NR2F1-AS1: variants seen among roughly 807,000 people sequenced by gnomAD.
NR2F1-AS1 encodes NR2F1 antisense RNA 1.
In NR2F1-AS1 at chr5:93,526,331, T is replaced by C. The variant is rs374709958; in HGVS notation, n.638+27430A>G. Among the ~76,000 whole-genome samples, 17 of 152,128 alleles carry C rather than the reference T, an allele frequency of 1.1e-4. No homozygotes were observed. The East Asian group carries it at 2.3e-3, about 21-fold the overall frequency. On this transcript the variant is annotated intron_variant and non_coding_transcript_variant, in intron 4 of 5. Transcript: ENST00000660523. ...ATATTTGAATAGAACAATAACAAGT[T>C]CTGAAATTGAGGCAGTAATTAACGG...
At chr5:93,531,266 T>G (rs1751730268) in intron 4 of NR2F1-AS1, among the ~76,000 whole-genome samples, 1 of 151,908 alleles carries the variant, frequency 6.6e-6, no homozygotes, top group Non-Finnish European at 1.5e-5. Flanking sequence ...AAAGACAAGA[T>G]CACCTATGAA....
intron 4 of NR2F1-AS1, among the ~76,000 whole-genome samples, chr5:93,532,503 G>A (rs1266003017): frequency 6.6e-6 from 1 of 152,132 alleles, no homozygotes; most frequent in African/African-American, 2.4e-5. Flanking sequence ...CTATTTCCAA[G>A]ACCTCGGTCT....
chr5:93,533,030 C>G (rs184545829), intron 4 of NR2F1-AS1, among the ~76,000 whole-genome samples: 49 of 152,260 alleles, frequency 3.2e-4, no homozygotes, highest in African/African-American at 1.2e-3. Flanking sequence ...TTTAGTTATT[C>G]ATGTGTTTTC....
intron 4 of NR2F1-AS1, among the ~76,000 whole-genome samples, chr5:93,491,465 G>T (rs1750848650): frequency 1.3e-5 from 2 of 151,972 alleles, no homozygotes; most frequent in South Asian, 4.1e-4. Context: ...TTTTTTAAAT[G>T]AACTGTAATG....
chr5:93,438,026 G>A (rs1749480574), intron 4 of NR2F1-AS1, among the ~76,000 whole-genome samples: 1 of 152,112 alleles, frequency 6.6e-6, no homozygotes, highest in Non-Finnish European at 1.5e-5. Flanking sequence ...TTTGTTTCCT[G>A]ACCAGCATAA....
chr5:93,520,740 T>C (rs950114752), intron 4 of NR2F1-AS1, among the ~76,000 whole-genome samples: 2 of 152,116 alleles, frequency 1.3e-5, no homozygotes, highest in African/African-American at 4.8e-5. Context: ...AGGAAGGTGA[T>C]AGACACAGCT....
At chr5:93,489,460 T>C (rs1458908929) in intron 4 of NR2F1-AS1, among the ~76,000 whole-genome samples, 1 of 151,980 alleles carries the variant, frequency 6.6e-6, no homozygotes, top group Non-Finnish European at 1.5e-5. Flanking sequence ...TTGCACAAAA[T>C]AGACTACAGT....
chr5:93,441,127 G>T (rs1489917534), intron 4 of NR2F1-AS1, among the ~76,000 whole-genome samples: 1 of 152,242 alleles, frequency 6.6e-6, no homozygotes, highest in East Asian at 1.9e-4. Flanking sequence ...TTTCATGTAA[G>T]GCAGAGTTGA....
chr5:93,446,003 C>A (rs1409137369), intron 4 of NR2F1-AS1, among the ~76,000 whole-genome samples: 1 of 152,178 alleles, frequency 6.6e-6, no homozygotes, highest in Non-Finnish European at 1.5e-5. Flanking sequence ...TTCAACAGCC[C>A]TTCATCCTAA....
chr5:93,479,592 T>A (rs907543280), intron 4 of NR2F1-AS1, among the ~76,000 whole-genome samples: 1 of 152,164 alleles, frequency 6.6e-6, no homozygotes, highest in African/African-American at 2.4e-5. Flanking sequence ...CATTACGGTA[T>A]TCAAAATGTC....
chr5:93,435,628 C>T (rs1002846977), intron 4 of NR2F1-AS1, among the ~76,000 whole-genome samples: 1 of 152,198 alleles, frequency 6.6e-6, no homozygotes, highest in Admixed American at 6.5e-5. Flanking sequence ...TGGCACCCAC[C>T]ATACCCTCTG....
chr5:93,457,249 C>G (rs1211965535), intron 4 of NR2F1-AS1, among the ~76,000 whole-genome samples: 1 of 152,182 alleles, frequency 6.6e-6, no homozygotes, highest in African/African-American at 2.4e-5. Flanking sequence ...TGGACAATAC[C>G]TGGCTTTCCT....
At chr5:93,421,070 CTT>C (rs1169735065) in intron 4 of NR2F1-AS1, among the ~76,000 whole-genome samples, 1 of 152,096 alleles carries the variant, frequency 6.6e-6, no homozygotes, top group Non-Finnish European at 1.5e-5. Context: ...TCATAAGAAA[CTT>C]TGAGTGATTT....
chr5:93,477,431 T>C (rs1302422685), intron 4 of NR2F1-AS1, among the ~76,000 whole-genome samples: 3 of 152,204 alleles, frequency 2.0e-5, no homozygotes, highest in Non-Finnish European at 4.4e-5. Flanking sequence ...CAAGATACTA[T>C]ATGCAATTTT....
chr5:93,557,234 G>A (rs1435539338), intron 2 of NR2F1-AS1, among the ~76,000 whole-genome samples: 6 of 152,148 alleles, frequency 3.9e-5, no homozygotes, highest in African/African-American at 1.4e-4. Flanking sequence ...TTTTCATGCT[G>A]TGAAAATGTG....
chr5:93,453,228 T>G (rs1749875164), intron 4 of NR2F1-AS1, among the ~76,000 whole-genome samples: 1 of 151,642 alleles, frequency 6.6e-6, no homozygotes, highest in South Asian at 2.1e-4. Flanking sequence ...ACAAGATCAG[T>G]GAACTTAAAT....
intron 4 of NR2F1-AS1, among the ~76,000 whole-genome samples, chr5:93,506,009 C>T (rs1297471795): frequency 6.6e-6 from 1 of 152,226 alleles, no homozygotes; most frequent in Admixed American, 6.5e-5. Context: ...AACTTTTATG[C>T]TCTGTTTCCC....
chr5:93,542,336 T>C (rs1751970171), intron 4 of NR2F1-AS1: 1 of 152,084 alleles, frequency 6.6e-6, no homozygotes, highest in Non-Finnish European at 1.5e-5. Flanking sequence ...AATGGAAGGT[T>C]AGGTTATTTG....
At chr5:93,468,316 T>C (rs113809558) in intron 4 of NR2F1-AS1, among the ~76,000 whole-genome samples, 6,197 of 152,266 alleles carry the variant, frequency 0.041, 185 homozygotes, top group Middle Eastern at 0.1. Flanking sequence ...AGCATGTTGT[T>C]TCCTGACTTT....
Sources: allele counts gnomAD v4.1 joint callset (sites outside exome capture counted in the v4.1 genomes callset), GRCh38; gene constraint gnomAD v4.1.1; transcripts MANE v1.5; gene names NCBI Gene and HGNC (gene_info 2026-07-23, HGNC 2026-07-21).